The following HSDL2 variants were observed in gnomAD, a reference collection of about 807,000 sequenced individuals.
HSDL2 encodes hydroxysteroid dehydrogenase-like protein 2.
A neutral mutation model predicts 46.3 loss-of-function variants in HSDL2; 27 were observed. The observed-to-expected ratio is 0.58, with a 90% confidence interval of 0.43 to 0.80. The LOEUF (loss-of-function observed/expected upper bound fraction) is 0.80. Ranked by LOEUF, HSDL2 falls within the 30% of genes least tolerant of loss-of-function variation. The pLI is 0.00. For synonymous variants in HSDL2, 153 were observed against 163.6 expected, an observed-to-expected ratio of 0.94 and a Z score of 0.50; for missense variants, 451 against 502.7, an observed-to-expected ratio of 0.90 and a Z score of 0.98.
chr9:112,425,673 C>T (rs1332937825), intron 6 of HSDL2, among the ~76,000 whole-genome samples: 1 of 152,058 alleles, frequency 6.6e-6, no homozygotes, highest in African/African-American at 2.4e-5. Context: ...ATTCTGTATT[C>T]CAGATTCTCA....
intron 4 of HSDL2, among the ~76,000 whole-genome samples, chr9:112,411,241 CTT>C (rs1831858116): frequency 1.3e-5 from 2 of 152,146 alleles, no homozygotes; most frequent in South Asian, 2.1e-4. Context: ...GAAAATGAGA[CTT>C]ATGCCAAGAG....
At chr9:112,411,250 A>G (rs1021577011) in intron 4 of HSDL2, among the ~76,000 whole-genome samples, 2 of 152,240 alleles carry the variant, frequency 1.3e-5, no homozygotes, top group Non-Finnish European at 2.9e-5. Context: ...ACTTATGCCA[A>G]GAGGGCCGTA....
chr9:112,459,031 C>CA (rs1833124666), intron 9 of HSDL2, among the ~76,000 whole-genome samples: 1 of 151,858 alleles, frequency 6.6e-6, no homozygotes, highest in Non-Finnish European at 1.5e-5. Flanking sequence ...AAAACAAAAA[C>CA]AAAACAATCA....
intron 8 of HSDL2, among the ~76,000 whole-genome samples, chr9:112,445,428 G>A (rs2132679628): frequency 6.6e-6 from 1 of 151,810 alleles, no homozygotes; most frequent in East Asian, 1.9e-4. Flanking sequence ...AATTTGCTAT[G>A]GTGCTCACTT....
At chr9:112,423,677 G>A (rs750638201) in intron 6 of HSDL2, among the ~76,000 whole-genome samples, 2 of 151,570 alleles carry the variant, frequency 1.3e-5, no homozygotes, top group African/African-American at 2.4e-5. Flanking sequence ...CTTTCTAACC[G>A]TCTCGTTTTG....
chr9:112,391,194 A>AATAATAATG (rs966697616), intron 1 of HSDL2, among the ~76,000 whole-genome samples: 1 of 151,328 alleles, frequency 6.6e-6, no homozygotes, highest in African/African-American at 2.4e-5. Context: ...TAATAATAAT[A>AATAATAATG]ATAATAATTT....
In HSDL2 at chr9:112,404,166, T is replaced by TGA; in HGVS notation, c.181+9_181+10dup. 6.2e-7 allele frequency: 1 copy of TGA among 1,611,486 alleles called. No homozygotes were observed. Among genetic ancestry groups the TGA allele is most frequent in the Non-Finnish European group, 8.5e-7 (1 of 1,178,400 alleles). On this transcript the variant is annotated intron_variant, in intron 2 of 10. Transcript: ENST00000398805. Reference sequence around the variant, plus strand: ...ATACTGCTGCTGAAGAAAGTGAGTGTGACAGTGCCATTTGATAAAATGTCT... The same window carrying TGA: ...ATACTGCTGCTGAAGAAAGTGAGTGTGAGACAGTGCCATTTGATAAAATGTCT...
chr9:112,424,588 G>A (rs1425592149), intron 6 of HSDL2, among the ~76,000 whole-genome samples: 1 of 151,256 alleles, frequency 6.6e-6, no homozygotes, highest in East Asian at 1.9e-4. Context: ...TTGACTTATT[G>A]AGAGCCCAGC....
At chr9:112,422,642 G>A (rs1392655319) in intron 6 of HSDL2, among the ~76,000 whole-genome samples, 1 of 152,152 alleles carries the variant, frequency 6.6e-6, no homozygotes, top group Non-Finnish European at 1.5e-5. Context: ...AATACCAGGA[G>A]TCCCAGAAGG....
chr9:112,471,788 C>T lies in HSDL2; in HGVS notation c.*1244C>T, dbSNP rs1442340947. 1.3e-5 allele frequency: 2 copies of T among 152,294 alleles called. No individual in the cohort carries two copies. 9.4% of individuals were successfully genotyped at this position (152,294 alleles called of 1,614,324 possible). A position where few individuals can be genotyped will look rare whatever the true frequency, so the allele number is the denominator to read the frequency against. ...GAGGGGAAGATAAACTTTTAAAAAG[C>T]TCTTATCTTTCATTTCAATCAGTTA... On this transcript the variant is annotated 3_prime_UTR_variant, in exon 11 of 11. Coordinates refer to ENST00000398805, the MANE Select transcript of HSDL2 (RefSeq NM_032303.5).
intron 4 of HSDL2, among the ~76,000 whole-genome samples, chr9:112,413,341 G>A (rs115327499): frequency 0.03 from 4,604 of 152,094 alleles, 238 homozygotes; most frequent in African/African-American, 0.11. Context: ...AGCAAGGTGT[G>A]GTGGCACACG....
chr9:112,422,603 G>C (rs1832149479), intron 6 of HSDL2, among the ~76,000 whole-genome samples: 1 of 152,176 alleles, frequency 6.6e-6, no homozygotes, highest in Non-Finnish European at 1.5e-5. Flanking sequence ...GAGAGACTTA[G>C]AAGACACATC....
intron 3 of HSDL2, among the ~76,000 whole-genome samples, chr9:112,408,397 T>A (rs1250113973): frequency 6.6e-6 from 1 of 152,190 alleles, no homozygotes; most frequent in African/African-American, 2.4e-5. Context: ...CTAGTGACAA[T>A]CATGCAGGTG....
intron 4 of HSDL2, among the ~76,000 whole-genome samples, 155 bp downstream of exon 4, chr9:112,409,176 T>G (rs1831804048): frequency 6.6e-6 from 1 of 152,118 alleles, no homozygotes; most frequent in Non-Finnish European, 1.5e-5. Flanking sequence ...TCAATAGTAT[T>G]TTATTTTATT....
At chr9:112,447,911 GTTTT>G (rs1468831966) in intron 8 of HSDL2, among the ~76,000 whole-genome samples, 1 of 152,126 alleles carries the variant, frequency 6.6e-6, no homozygotes, top group Non-Finnish European at 1.5e-5. Flanking sequence ...ACCATCATGA[GTTTT>G]TTGTTGTTGT....
At chr9:112,398,090 T>C (rs1275075795) in intron 1 of HSDL2, among the ~76,000 whole-genome samples, 1 of 138,594 alleles carries the variant, frequency 7.2e-6, no homozygotes, top group African/African-American at 2.7e-5. Context: ...GTTGAGGAGG[T>C]CGGACTGGTA....
At chr9:112,408,772 C>T in intron 3 of HSDL2, 135 bp from the exon 4 acceptor site, 1 of 550,888 alleles carries the variant, frequency 1.8e-6, no homozygotes. Context: ...CGTATATGGG[C>T]CATTGTTGAT....
intron 4 of HSDL2, among the ~76,000 whole-genome samples, chr9:112,416,325 A>C (rs1357663102): frequency 1.3e-5 from 2 of 151,922 alleles, no homozygotes; most frequent in African/African-American, 4.8e-5. Flanking sequence ...GCTACTCAGG[A>C]GGCTGAGGTG....
chr9:112,395,700 A>T (rs1831439409), intron 1 of HSDL2, among the ~76,000 whole-genome samples: 1 of 152,268 alleles, frequency 6.6e-6, no homozygotes, highest in African/African-American at 2.4e-5. Context: ...CAGGCATGCC[A>T]GGTTGGACGG....
Sources: gnomAD v4.1 joint callset for allele counts (sites outside exome capture counted in the v4.1 genomes callset) on GRCh38, gnomAD v4.1.1 for gene constraint, MANE v1.5 for transcripts, NCBI Gene and HGNC (gene_info 2026-07-23, HGNC 2026-07-21) for gene names.